Variants in ARHGEF18 observed in about 807,000 individuals in gnomAD.
ARHGEF18 encodes the protein rho guanine nucleotide exchange factor 18.
Under a neutral mutation model 155.7 loss-of-function variants are expected in ARHGEF18, and 93 were observed. The ratio of observed to expected loss-of-function variants is 0.60; its 90% confidence interval spans 0.50 to 0.71. The LOEUF (loss-of-function observed/expected upper bound fraction) is 0.71, where lower values mean the gene tolerates loss of function less well. ARHGEF18 is among the 30% of genes least tolerant of loss of function. The pLI is 0.00. For synonymous variants in ARHGEF18, 742 were observed against 753.1 expected, an observed-to-expected ratio of 0.99 and a Z score of 0.24; for missense variants, 1,593 against 1,816.1, an observed-to-expected ratio of 0.88 and a Z score of 2.23.
At chr19:7,361,589 G>A (rs911318901) in intron 1 of ARHGEF18, among the ~76,000 whole-genome samples, 5 of 152,288 alleles carry the variant, frequency 3.3e-5, no homozygotes, top group South Asian at 2.1e-4. Flanking sequence ...TCATGGCAGC[G>A]TGATTTGAAA....
At chr19:7,424,041 T>C (rs1479154260) in intron 10 of ARHGEF18, among the ~76,000 whole-genome samples, 1 of 147,520 alleles carries the variant, frequency 6.8e-6, no homozygotes, top group African/African-American at 2.5e-5. Flanking sequence ...TATTTATTTC[T>C]GAGATGGAGT....
At position 7,440,012 on chromosome 19, in the gene ARHGEF18, A is replaced by G; in HGVS notation, c.968-332A>G. On this transcript the variant is annotated intron_variant, in intron 10 of 28. Coordinates refer to ENST00000668164, the MANE Select transcript of ARHGEF18 (RefSeq NM_001367823.1). This position sits in a 1 kb window ranked among gnomAD's most constrained non-coding sequence, Gnocchi z 5.4. Reference sequence around the variant, plus strand: ...CAGCCAATACAGCAAGGGAAGACGCAGCTCTGTTTTCTAGAAGGATCCCAC... The same window carrying G: ...CAGCCAATACAGCAAGGGAAGACGCGGCTCTGTTTTCTAGAAGGATCCCAC... 6.5e-7 allele frequency: 1 copy of G among 1,550,260 alleles called. No individual in the cohort carries two copies. The highest frequency in any genetic ancestry group is 8.7e-7 in the Non-Finnish European group (1 of 1,146,644).
Position 7,440,605 on chromosome 19 carries a change from C to A in ARHGEF18, c.1106+123C>A. 7.9e-7 allele frequency: 1 copy of A among 1,271,006 alleles called. No homozygotes were observed. Among genetic ancestry groups the A allele is most frequent in the Non-Finnish European group, 1.1e-6 (1 of 946,580 alleles). The allele number at this position is 1,271,006 out of a possible 1,614,324, so 78.7% of individuals were successfully genotyped here. A position where few individuals can be genotyped will look rare whatever the true frequency, so the allele number is the denominator to read the frequency against. The stretch of plus-strand genomic sequence containing the variant: ...GTGAATCCACACGGCAGCCCCCGTG[C>A]TAAGCAGAGAAATTCCCATTAACGC... On this transcript the variant is annotated intron_variant, in intron 11 of 28. Transcript: ENST00000668164. This position sits in a 1 kb window ranked among gnomAD's most constrained non-coding sequence, Gnocchi z 5.4.
At chr19:7,374,980 T>A (rs116266850) in intron 3 of ARHGEF18, among the ~76,000 whole-genome samples, 3 of 151,788 alleles carry the variant, frequency 2.0e-5, no homozygotes, top group Admixed American at 2.0e-4. Context: ...TCATCCCACA[T>A]AGAAATTCAG....
intron 10 of ARHGEF18, among the ~76,000 whole-genome samples, chr19:7,428,383 C>T (rs185214076): frequency 0.011 from 1,609 of 151,760 alleles, 37 homozygotes; most frequent in African/African-American, 0.037. Context: ...GGTGAGCCCA[C>T]GGCCTGTTGC....
rs898148511 is a variant in ARHGEF18 at position 7,428,664 on chromosome 19, G to A, written c.968-11680G>A. Among the ~76,000 whole-genome samples, 6 of 151,978 alleles carry A rather than the reference G, an allele frequency of 3.9e-5. 1 individual carries two copies. The highest frequency in any genetic ancestry group is 4.1e-4 in the South Asian group (2 of 4,828). On this transcript the variant is annotated intron_variant, in intron 10 of 28. Transcript: ENST00000668164. Reference sequence around the variant, plus strand: ...GGAGGCTGCAGCGAGCTATGACCACGCCACTGCACTCCAGCCTGGGCAACA... The same window carrying A: ...GGAGGCTGCAGCGAGCTATGACCACACCACTGCACTCCAGCCTGGGCAACA...
intron 10 of ARHGEF18, among the ~76,000 whole-genome samples, chr19:7,385,995 T>TCC (rs1971049040): frequency 1.8e-5 from 2 of 113,998 alleles, no homozygotes; most frequent in East Asian, 3.1e-4. Flanking sequence ...TCTCTCTCTC[T>TCC]CCCTCTCTCT....
chr19:7,391,307 TAAAC>T (rs1260080937), intron 10 of ARHGEF18, among the ~76,000 whole-genome samples: 1 of 152,064 alleles, frequency 6.6e-6, no homozygotes, highest in Admixed American at 6.6e-5. Flanking sequence ...CACAGTAAGT[TAAAC>T]AAACAGAACA....
intron 2 of ARHGEF18, among the ~76,000 whole-genome samples, chr19:7,364,356 G>A (rs542891846): frequency 7.6e-6 from 1 of 131,736 alleles, no homozygotes; most frequent in South Asian, 2.6e-4. Context: ...AGGAAGGAAG[G>A]AGGGAAGGAA....
intron 10 of ARHGEF18, among the ~76,000 whole-genome samples, chr19:7,434,435 C>T (rs1974142146): frequency 6.6e-6 from 1 of 152,152 alleles, no homozygotes; most frequent in South Asian, 2.1e-4. Flanking sequence ...CACCGTTCAC[C>T]TCTTTCCATC....
At position 7,469,998 on chromosome 19, in the gene ARHGEF18, G is replaced by C. The variant is rs1391739690; in HGVS notation, c.3882G>C (p.Leu1294=). The change falls in exon 28 of 29, where the codon CTG becomes CTC. Residue 1294 remains leucine, a synonymous_variant. Transcript: ENST00000668164. ...SRNRRSLSPI[L]PGRHSPAPPP... is the part of the protein sequence containing the mutation. The stretch of plus-strand genomic sequence containing the variant: ...ACCGCCGCTCGCTGAGCCCTATCCT[G>C]CCCGGCAGACACAGTCCTGCGCCCC... 3 of 1,613,050 alleles carry C rather than the reference G, an allele frequency of 1.9e-6. No individual in the cohort carries two copies. Among genetic ancestry groups the C allele is most frequent in the Non-Finnish European group, 2.5e-6 (3 of 1,179,930 alleles).
At chr19:7,352,029 G>A (rs1211052324) in intron 1 of ARHGEF18, among the ~76,000 whole-genome samples, 3 of 151,968 alleles carry the variant, frequency 2.0e-5, no homozygotes, top group Admixed American at 1.3e-4. Context: ...TTTATCTCCT[G>A]TAGGGCTGTT....
At position 7,362,031 on chromosome 19, in the gene ARHGEF18, G is replaced by C. The variant is rs1354568086; in HGVS notation, c.-110-750G>C. Reference sequence around the variant, plus strand: ...AGAAGAAGAAGGAGAAGGAGAAGGAGAAGGAGAAGGAGAAGGAGAAGGAGA... The same window carrying C: ...AGAAGAAGAAGGAGAAGGAGAAGGACAAGGAGAAGGAGAAGGAGAAGGAGA... On this transcript the variant is annotated intron_variant, in intron 1 of 28. Transcript: ENST00000668164. Among the ~76,000 whole-genome samples, 14 of 48,066 alleles carry C rather than the reference G, an allele frequency of 2.9e-4. 3 individuals are homozygous for C. Among genetic ancestry groups the C allele is most frequent in the Admixed American group, 1.9e-3 (11 of 5,652 alleles). 31.5% of individuals were successfully genotyped at this position (48,066 alleles called of 152,430 possible).
chr19:7,463,901 C>T lies in ARHGEF18; in HGVS notation c.2719C>T (p.Pro907Ser). The change falls in exon 22 of 29, where the codon CCC (proline) becomes TCC (serine). Residue 907 changes from proline to serine, a missense_variant. Coordinates refer to ENST00000668164, the MANE Select transcript of ARHGEF18 (RefSeq NM_001367823.1). The surrounding 1 kb of genome is among the most constrained non-coding windows in gnomAD (Gnocchi z 5.2). ...AEDGGSSTGP[P>S]RRAETFAGYD... Reference sequence around the variant, plus strand: ...AGACGGAGGCAGCTCCACAGGCCCGCCCAGGAGGGCTGAGACCTTCGCGGG... The same window carrying T: ...AGACGGAGGCAGCTCCACAGGCCCGTCCAGGAGGGCTGAGACCTTCGCGGG... The T allele has an allele frequency of 6.3e-7, 1 of 1,599,592 alleles. No homozygotes were observed. The highest frequency in any genetic ancestry group is 8.5e-7 in the Non-Finnish European group (1 of 1,173,768).
intron 27 of ARHGEF18, 63 bp downstream of exon 27, chr19:7,469,194 C>A (rs1229478294): frequency 6.8e-7 from 1 of 1,466,152 alleles, no homozygotes; most frequent in East Asian, 2.5e-5. Context: ...TCTAGCGGCT[C>A]GCTGGGAGCC....
intron 2 of ARHGEF18, among the ~76,000 whole-genome samples, chr19:7,371,227 G>C (rs1363029478): frequency 6.6e-6 from 1 of 152,180 alleles, no homozygotes; most frequent in Non-Finnish European, 1.5e-5. Flanking sequence ...ACAGAAAGTA[G>C]AAAGGTGGGT....
intron 5 of ARHGEF18, among the ~76,000 whole-genome samples, 162 bp from the exon 6 acceptor site, chr19:7,378,232 C>G (rs1332930329): frequency 6.6e-6 from 1 of 152,194 alleles, no homozygotes; most frequent in Non-Finnish European, 1.5e-5. Context: ...GTCCCTGGCT[C>G]TCTGTCCTCT....
At chr19:7,381,081 C>A in intron 8 of ARHGEF18, 87 bp downstream of exon 8, 1 of 1,049,500 alleles carries the variant, frequency 9.5e-7, no homozygotes, top group Non-Finnish European at 1.2e-6. Context: ...ACCCCCCATG[C>A]TGGGGGCAGG....
chr19:7,358,271 T>TTCCA (rs144388403), intron 1 of ARHGEF18, among the ~76,000 whole-genome samples: 34,860 of 133,316 alleles, frequency 0.26, 4,626 homozygotes, highest in Non-Finnish European at 0.28. Context: ...CCATCCATTC[T>TTCCA]TCCATCCATC....
Sources: gnomAD v4.1 joint callset for allele counts (sites outside exome capture counted in the v4.1 genomes callset) on GRCh38, gnomAD v4.1.1 for gene constraint, Gnocchi (gnomAD v3.1) non-coding constraint, MANE v1.5 for transcripts, NCBI Gene and HGNC (gene_info 2026-07-23, HGNC 2026-07-21) for gene names.